Variants in ERC2 observed in about 807,000 individuals in gnomAD.
ERC2 encodes ERC protein 2.
A neutral mutation model predicts 114.8 loss-of-function variants in ERC2; 42 were observed. The observed-to-expected ratio is 0.37, with a 90% CI of 0.29 to 0.47. The LOEUF is 0.47. Among genes scored for constraint, ERC2 ranks in the 20% least tolerant of loss-of-function variants. ERC2 has a pLI of 0.99. For missense variants in ERC2, 939 were observed against 1,150.7 expected, an observed-to-expected ratio of 0.82 and a Z score of 2.66; for synonymous variants, 454 against 425.5, an observed-to-expected ratio of 1.07 and a Z score of -0.82.
intron 17 of ERC2, among the ~76,000 whole-genome samples, chr3:55,567,759 G>A (rs549844697): frequency 1.6e-4 from 25 of 152,240 alleles, no homozygotes; most frequent in African/African-American, 5.1e-4. Flanking sequence ...AGCAGGATCC[G>A]GGGCCCTGAT....
chr3:55,978,939 C>T (rs1002110280), intron 12 of ERC2, among the ~76,000 whole-genome samples: 1 of 152,172 alleles, frequency 6.6e-6, no homozygotes, highest in Non-Finnish European at 1.5e-5. Flanking sequence ...CCCTAAAAAG[C>T]CCCTGCTTTG....
chr3:55,883,928 C>CA (rs1294128612), intron 14 of ERC2, among the ~76,000 whole-genome samples: 155 of 148,732 alleles, frequency 1.0e-3, no homozygotes, highest in Middle Eastern at 3.5e-3. Context: ...ACAACAACAA[C>CA]ACCACAAAAC....
chr3:55,731,357 T>G (rs1446320274), intron 15 of ERC2, among the ~76,000 whole-genome samples: 2 of 152,212 alleles, frequency 1.3e-5, no homozygotes, highest in East Asian at 3.8e-4. Context: ...ATAATGTCAA[T>G]TAGTAGTAGT....
chr3:56,132,837 G>A (rs995287577), intron 6 of ERC2, among the ~76,000 whole-genome samples: 10 of 152,052 alleles, frequency 6.6e-5, no homozygotes, highest in Admixed American at 1.3e-4. Context: ...ATATATAAAC[G>A]TCTTTAAACA....
intron 14 of ERC2, among the ~76,000 whole-genome samples, chr3:55,764,757 G>C (rs1176219347): frequency 2.6e-5 from 4 of 152,150 alleles, no homozygotes; most frequent in African/African-American, 9.7e-5. Context: ...GAATTCATGA[G>C]ACCAACTGAC....
chr3:55,599,242 T>C (rs1218036247), intron 17 of ERC2, among the ~76,000 whole-genome samples: 7 of 152,212 alleles, frequency 4.6e-5, no homozygotes, highest in Non-Finnish European at 1.0e-4. Flanking sequence ...TGCTATGGAC[T>C]GAGCCTGATT....
intron 3 of ERC2, among the ~76,000 whole-genome samples, chr3:56,273,664 T>C (rs1236367813): frequency 2.6e-5 from 4 of 152,098 alleles, no homozygotes; most frequent in Middle Eastern, 3.2e-3. Context: ...TTTGTATTAT[T>C]TTGCACACCA....
At chr3:55,730,006 C>T (rs775524708) in intron 15 of ERC2, among the ~76,000 whole-genome samples, 2 of 152,058 alleles carry the variant, frequency 1.3e-5, no homozygotes, top group Non-Finnish European at 2.9e-5. Flanking sequence ...CTTGGTCTCA[C>T]CAAGCTGCAC....
At chr3:56,105,457 T>A (rs2149814455) in intron 6 of ERC2, among the ~76,000 whole-genome samples, 1 of 152,176 alleles carries the variant, frequency 6.6e-6, no homozygotes, top group African/African-American at 2.4e-5. Context: ...GGACTACAGG[T>A]GTGCATCACC....
At chr3:55,916,769 T>C (rs1027505527) in intron 13 of ERC2, among the ~76,000 whole-genome samples, 1 of 152,116 alleles carries the variant, frequency 6.6e-6, no homozygotes, top group African/African-American at 2.4e-5. Context: ...CTTCATAGCA[T>C]ATATTACAAT....
At chr3:56,337,128 T>A (rs958915619) in intron 2 of ERC2, among the ~76,000 whole-genome samples, 2 of 152,188 alleles carry the variant, frequency 1.3e-5, no homozygotes, top group African/African-American at 4.8e-5. Context: ...GCCCTAGTGA[T>A]GTACTTACCA....
At chr3:55,807,777 T>C (rs1398412177) in intron 14 of ERC2, among the ~76,000 whole-genome samples, 1 of 152,194 alleles carries the variant, frequency 6.6e-6, no homozygotes. Flanking sequence ...AAGAAGTAAA[T>C]ATATGCTTTA....
At chr3:55,888,278 CTA>C in intron 14 of ERC2, 109 bp downstream of exon 14, 1 of 1,280,638 alleles carries the variant, frequency 7.8e-7, no homozygotes, top group South Asian at 1.6e-5. Context: ...CAAGTGTGAG[CTA>C]AATTATTCTT....
chr3:56,162,062 A>G (rs928059950), intron 4 of ERC2, among the ~76,000 whole-genome samples: 3 of 152,166 alleles, frequency 2.0e-5, no homozygotes, highest in South Asian at 2.1e-4. Flanking sequence ...TGTTGCTTCA[A>G]TGCCTAATTT....
At position 55,734,831 on chromosome 3, in the gene ERC2, C is replaced by T; in HGVS notation, c.2652G>A (p.Gln884=). 6.2e-7 allele frequency: 1 copy of T among 1,613,104 alleles called. No individual in the cohort carries two copies. Among genetic ancestry groups the T allele is most frequent in the South Asian group, 1.1e-5 (1 of 90,954 alleles). ...CCCGCTTGAGGGCCATGACTTCTTC[C>T]TGCGTCTTTTTCTTTTTGGAGGCAG... is the stretch of plus-strand genomic sequence containing the variant. ...ELSASKKKKT[Q]EEVMALKREK... is the part of the protein sequence containing the mutation. The change falls in exon 15 of 18, where the codon CAG becomes CAA. Residue 884 remains glutamine, a synonymous_variant. Transcript: ENST00000288221.
chr3:56,022,720 G>T (rs1480215739), intron 7 of ERC2, among the ~76,000 whole-genome samples: 1 of 152,152 alleles, frequency 6.6e-6, no homozygotes, highest in African/African-American at 2.4e-5. Flanking sequence ...GGAAGCCTTG[G>T]GGGTGGAAAG....
intron 2 of ERC2, among the ~76,000 whole-genome samples, chr3:56,315,546 A>G (rs2056824046): frequency 6.6e-6 from 1 of 152,198 alleles, no homozygotes; most frequent in African/African-American, 2.4e-5. Context: ...CCTTAAAACG[A>G]AGACTCAGAA....
chr3:55,976,529 A>T (rs1456738239), intron 12 of ERC2, among the ~76,000 whole-genome samples: 3 of 152,222 alleles, frequency 2.0e-5, no homozygotes, highest in Non-Finnish European at 4.4e-5. Context: ...TTAAGTGTCT[A>T]CTATTTTTGC....
At chr3:55,745,434 T>C (rs1228530778) in intron 14 of ERC2, among the ~76,000 whole-genome samples, 1 of 152,126 alleles carries the variant, frequency 6.6e-6, no homozygotes, top group East Asian at 1.9e-4. Flanking sequence ...TTTTAAAAAA[T>C]TGGTAAATCT....
Sources: gnomAD v4.1 joint callset for allele counts (sites outside exome capture counted in the v4.1 genomes callset) on GRCh38, gnomAD v4.1.1 for gene constraint, MANE v1.5 for transcripts, NCBI Gene and HGNC (gene_info 2026-07-23, HGNC 2026-07-21) for gene names.